MYH9: variants seen among roughly 807,000 people sequenced by gnomAD.
MYH9 encodes the protein myosin heavy chain 9.
Under a neutral mutation model 241.9 loss-of-function variants are expected in MYH9, and 29 were observed. The ratio of observed to expected loss-of-function variants is 0.12; its 90% CI spans 0.09 to 0.16. The LOEUF is 0.16. Among genes scored for constraint, MYH9 ranks in the 10% least tolerant of loss-of-function variants. The pLI is 1.00. For synonymous variants in MYH9, 1,047 were observed against 1,062.6 expected, an observed-to-expected ratio of 0.99 and a Z score of 0.29; for missense variants, 1,803 against 2,595.5, an observed-to-expected ratio of 0.69 and a Z score of 6.63.
Position 36,300,408 on chromosome 22 carries a change from G to T in MYH9, c.2839-144C>A. ...CCAGGGCCATGGCTGAGGTGGGGACGGCAAGGTCCGCCAGCCCAGGGCCAC... is the reference window on the plus strand; with the variant it reads ...CCAGGGCCATGGCTGAGGTGGGGACTGCAAGGTCCGCCAGCCCAGGGCCAC... On this transcript the variant is annotated intron_variant, in intron 22 of 40. Coordinates refer to ENST00000216181, the MANE Select transcript of MYH9 (RefSeq NM_002473.6). This position sits in a 1 kb window ranked among gnomAD's most constrained non-coding sequence, Gnocchi z 5.0. 8.2e-7 allele frequency: 1 copy of T among 1,214,750 alleles called. No homozygotes were observed. The highest frequency in any genetic ancestry group is 1.3e-5 in the South Asian group (1 of 78,912). 75.2% of individuals were successfully genotyped at this position (1,214,750 alleles called of 1,614,324 possible). A position where few individuals can be genotyped will look rare whatever the true frequency, so the allele number is the denominator to read the frequency against.
At chr22:36,327,364 G>T in intron 4 of MYH9, 97 bp downstream of exon 4, 1 of 1,420,972 alleles carries the variant, frequency 7.0e-7, no homozygotes, top group Middle Eastern at 1.8e-4. Flanking sequence ...GGGAATGGGG[G>T]ACTCTGCAAG....
At position 36,300,232 on chromosome 22, in the gene MYH9, G is replaced by A. The variant is rs374840260; in HGVS notation, c.2871C>T (p.Ser957=). The change falls in exon 23 of 41, where the codon AGC becomes AGT. Residue 957 remains serine (S), a synonymous_variant. Coordinates refer to ENST00000216181, the MANE Select transcript of MYH9 (RefSeq NM_002473.6). This position sits in a 1 kb window ranked among gnomAD's most constrained non-coding sequence, Gnocchi z 5.0. ...ELEEQLEEEE[S]ARQKLQLEKV... ...TCTCCAGCTGCAGCTTCTGCCGGGC[G>A]CTCTCCTCCTCCTCCAGCTGCTCCT... 221 of 1,613,436 alleles carry A rather than the reference G, an allele frequency of 1.4e-4. No homozygotes were observed. The African/African-American group carries it at 2.2e-3, about 16-fold the overall frequency.
At chr22:36,324,163 G>A (rs938084579) in intron 5 of MYH9, among the ~76,000 whole-genome samples, 12 of 152,238 alleles carry the variant, frequency 7.9e-5, no homozygotes, top group Non-Finnish European at 1.2e-4. Flanking sequence ...GGGACCACAC[G>A]CTGTTGCCGT....
chr22:36,322,217 G>T (rs934750668), intron 6 of MYH9, among the ~76,000 whole-genome samples: 1 of 152,264 alleles, frequency 6.6e-6, no homozygotes, highest in African/African-American at 2.4e-5. Context: ...GGAGGCTGAA[G>T]AAGCTACTCG....
intron 3 of MYH9, among the ~76,000 whole-genome samples, chr22:36,338,547 C>T (rs941838390): frequency 2.0e-4 from 31 of 151,896 alleles, no homozygotes; most frequent in African/African-American, 6.8e-4. Flanking sequence ...TGGCTGGGTG[C>T]GGTGGCTCAC....
Position 36,300,966 on chromosome 22 carries a change from G to A in MYH9, c.2723C>T (p.Ala908Val), listed in dbSNP as rs2016867375. 6.2e-7 allele frequency: 1 copy of A among 1,611,636 alleles called. No individual in the cohort carries two copies. The highest frequency in any genetic ancestry group is 1.6e-4 in the Middle Eastern group (1 of 6,062). Residue 908 changes from alanine (A) to valine (V), a missense_variant, in exon 22 of 41, where the codon GCC (alanine) becomes GTC (valine). Physicochemically the swap from Ala to Val is moderately conservative, Grantham distance 64. This residue lies in a region of MYH9 where 290 missense variants were observed against 360.5 expected (regional missense o/e 0.80). Transcript: ENST00000216181. This position sits in a 1 kb window ranked among gnomAD's most constrained non-coding sequence, Gnocchi z 5.0. Reference protein sequence around the residue: ...EAEELRARLTAKKQELEEICH... With the variant: ...EAEELRARLTVKKQELEEICH... ...GATCTCTTCTAATTCCTGCTTCTTG[G>A]CGGTCAGGCGGGCCCGGAGCTCCTC...
At chr22:36,322,852 G>A (rs1391286085) in intron 5 of MYH9, among the ~76,000 whole-genome samples, 2 of 152,192 alleles carry the variant, frequency 1.3e-5, no homozygotes, top group African/African-American at 4.8e-5. Flanking sequence ...GGAGCCGGCG[G>A]CACAGACACC....
intron 1 of MYH9, among the ~76,000 whole-genome samples, chr22:36,375,761 G>A (rs547481273): frequency 1.1e-4 from 17 of 152,156 alleles, no homozygotes; most frequent in South Asian, 4.2e-4. Context: ...GGTGGCTCAC[G>A]CCTATAATCC....
intron 1 of MYH9, among the ~76,000 whole-genome samples, chr22:36,366,943 C>T (rs2018020123): frequency 6.6e-6 from 1 of 152,188 alleles, no homozygotes; most frequent in African/African-American, 2.4e-5. Flanking sequence ...CGTGTGCACA[C>T]TCTACAAATG....
chr22:36,332,125 C>CGAACACCCCT, intron 3 of MYH9, among the ~76,000 whole-genome samples: 1 of 152,258 alleles, frequency 6.6e-6, no homozygotes, highest in Admixed American at 6.5e-5. Context: ...TCCCCTCCAT[C>CGAACACCCCT]GAACACCCCT....
rs2017235117 is a variant in MYH9 at position 36,320,645 on chromosome 22, T to C, written c.868+153A>G. ...GGTCAGAAACAGAAGACCAAGTCCTTAGGATGGCGCAGAGAACAGGAGTCA... is the reference window on the plus strand; with the variant it reads ...GGTCAGAAACAGAAGACCAAGTCCTCAGGATGGCGCAGAGAACAGGAGTCA... On this transcript the variant is annotated intron_variant, in intron 8 of 40. Transcript: ENST00000216181. This position sits in a 1 kb window ranked among gnomAD's most constrained non-coding sequence, Gnocchi z 4.8. Among the ~76,000 whole-genome samples the C allele has an allele frequency of 6.6e-6, 1 of 152,146 alleles. No individual in the cohort carries two copies. The highest frequency in any genetic ancestry group is 1.5e-5 in the Non-Finnish European group (1 of 68,004).
At chr22:36,358,351 C>T (rs1418943263) in intron 1 of MYH9, among the ~76,000 whole-genome samples, 1 of 152,152 alleles carries the variant, frequency 6.6e-6, no homozygotes, top group Non-Finnish European at 1.5e-5. Flanking sequence ...AGGTGTCAGC[C>T]ACCGCACCAG....
At chr22:36,362,231 C>T (rs542210156) in intron 1 of MYH9, among the ~76,000 whole-genome samples, 25 of 152,092 alleles carry the variant, frequency 1.6e-4, no homozygotes, top group Non-Finnish European at 3.2e-4. Flanking sequence ...TTAAATGACA[C>T]GAGAGGGACA....
intron 12 of MYH9, among the ~76,000 whole-genome samples, chr22:36,315,005 A>G (rs867763629): frequency 3.3e-5 from 5 of 152,058 alleles, no homozygotes; most frequent in Non-Finnish European, 7.4e-5. Context: ...GCTGGTCTCA[A>G]ACTCCTGACT....
At position 36,300,253 on chromosome 22, in the gene MYH9, C is replaced by T. The variant is rs1381246900; in HGVS notation, c.2850G>A (p.Glu950=). Residue 950 remains glutamate (E), a synonymous_variant, in exon 23 of 41, where the codon GAG becomes GAA. Transcript: ENST00000216181. This position sits in a 1 kb window ranked among gnomAD's most constrained non-coding sequence, Gnocchi z 5.0. Reference sequence around the variant, plus strand: ...GGGCGCTCTCCTCCTCCTCCAGCTGCTCCTCAAGCTCCTGCCGGGGGCCAG... The same window carrying T: ...GGGCGCTCTCCTCCTCCTCCAGCTGTTCCTCAAGCTCCTGCCGGGGGCCAG... The part of the protein sequence containing the change: ...KMQQNIQELE[E]QLEEEESARQ... 1.2e-6 allele frequency: 2 copies of T among 1,613,132 alleles called. No homozygotes were observed. Among genetic ancestry groups the T allele is most frequent in the East Asian group, 2.2e-5 (1 of 44,884 alleles).
In MYH9 at chr22:36,288,153, C is replaced by A; in HGVS notation, c.4932+99G>T. 6.8e-7 allele frequency: 1 copy of A among 1,479,728 alleles called. No individual in the cohort carries two copies. The highest frequency in any genetic ancestry group is 9.3e-7 in the Non-Finnish European group (1 of 1,073,118). The allele number at this position is 1,479,728 out of a possible 1,614,324, so 91.7% of individuals were successfully genotyped here. A position where few individuals can be genotyped will look rare whatever the true frequency, so the allele number is the denominator to read the frequency against. On this transcript the variant is annotated intron_variant, in intron 34 of 40. Coordinates refer to ENST00000216181, the MANE Select transcript of MYH9 (RefSeq NM_002473.6). The surrounding 1 kb of genome is among the most constrained non-coding windows in gnomAD (Gnocchi z 4.8). ...CCAGGACCTTCCCAGGAGGTGCCAC[C>A]CTGCCAGGTTCCCGCCCTGGGCCGA...
chr22:36,282,340 G>C lies in MYH9; in HGVS notation c.*328C>G, dbSNP rs1304084008. The C allele has an allele frequency of 4.1e-6, 2 of 488,190 alleles. No individual in the cohort carries two copies. Among genetic ancestry groups the C allele is most frequent in the Admixed American group, 3.4e-5 (1 of 29,096 alleles). The allele number at this position is 488,190 out of a possible 1,614,324, so 30.2% of individuals were successfully genotyped here. On this transcript the variant is annotated 3_prime_UTR_variant, in exon 41 of 41. Transcript: ENST00000216181. ...CATAGAAAACTCTGGCCCCTCCCCG[G>C]GGGCCTGCCCTGCTCGCCTCAACAT...
At position 36,300,886 on chromosome 22, in the gene MYH9, G is replaced by A; in HGVS notation, c.2803C>T (p.Gln935Ter). The A allele has an allele frequency of 6.2e-7, 1 of 1,604,912 alleles. No homozygotes were observed. Residue 935 changes from glutamine to a stop codon, truncating the protein, a stop_gained, in exon 22 of 41, where the codon CAG (glutamine) becomes TAG (stop). Transcript: ENST00000216181. LOFTEE classifies it high-confidence loss of function. The surrounding 1 kb of genome is among the most constrained non-coding windows in gnomAD (Gnocchi z 5.0). The part of the protein sequence containing the change: ...EEEEERCQHL[Q>*]AEKKKMQQNI... Reference sequence around the variant, plus strand: ...TGCTGCATCTTCTTCTTCTCCGCCTGCAGGTGCTGGCAGCGCTCCTCCTCC... The same window carrying A: ...TGCTGCATCTTCTTCTTCTCCGCCTACAGGTGCTGGCAGCGCTCCTCCTCC...
chr22:36,381,205 T>C (rs2018250284), intron 1 of MYH9, among the ~76,000 whole-genome samples: 1 of 152,118 alleles, frequency 6.6e-6, no homozygotes, highest in Admixed American at 6.5e-5. Context: ...AAGAAATAGC[T>C]GAATTTTTTA....
Sources: allele counts gnomAD v4.1 joint callset (sites outside exome capture counted in the v4.1 genomes callset), GRCh38; gene constraint gnomAD v4.1.1; regional missense constraint gnomAD v4.1.1; non-coding constraint Gnocchi (gnomAD v3.1); transcripts MANE v1.5; gene names NCBI Gene and HGNC (gene_info 2026-07-23, HGNC 2026-07-21).